FBXO15: variants seen among roughly 807,000 people sequenced by gnomAD.
The protein encoded by FBXO15 is F-box protein 15, also known as F-box only protein 15.
A neutral mutation model predicts 49.5 loss-of-function variants in FBXO15; 30 were observed. The ratio of observed to expected loss-of-function variants is 0.61; its 90% CI spans 0.45 to 0.82. The LOEUF (loss-of-function observed/expected upper bound fraction) is 0.82, where lower values mean the gene tolerates loss of function less well. Among genes scored for constraint, FBXO15 ranks in the 40% least tolerant of loss-of-function variants. The pLI is 0.00. For synonymous variants in FBXO15, 250 were observed against 232.7 expected, an observed-to-expected ratio of 1.07 and a Z score of -0.68; for missense variants, 591 against 631.5, an observed-to-expected ratio of 0.94 and a Z score of 0.69.
chr18:74,131,867 G>T (rs969698247), intron 3 of FBXO15, among the ~76,000 whole-genome samples: 134 of 152,326 alleles, frequency 8.8e-4, no homozygotes, highest in African/African-American at 3.2e-3. Flanking sequence ...ACTGCAGCAG[G>T]ACCCCTGGGG....
intron 8 of FBXO15, among the ~76,000 whole-genome samples, chr18:74,109,511 T>C (rs182538252): frequency 4.5e-4 from 69 of 152,268 alleles, no homozygotes; most frequent in African/African-American, 1.5e-3. Flanking sequence ...ATCATGCTAC[T>C]ATAAAGACAC....
intron 8 of FBXO15, among the ~76,000 whole-genome samples, chr18:74,119,625 T>G (rs1222409871): frequency 2.0e-5 from 3 of 151,994 alleles, no homozygotes; most frequent in Non-Finnish European, 4.4e-5. Context: ...GGACCCACGC[T>G]AAGATCTGGG....
chr18:74,134,111 T>G (rs1978564996), intron 3 of FBXO15, among the ~76,000 whole-genome samples: 2 of 152,254 alleles, frequency 1.3e-5, no homozygotes, highest in African/African-American at 4.8e-5. Flanking sequence ...TGTTTGTGTG[T>G]GTGTGCATGT....
intron 8 of FBXO15, among the ~76,000 whole-genome samples, chr18:74,120,214 T>C (rs1047728191): frequency 6.6e-6 from 1 of 152,060 alleles, no homozygotes; most frequent in Admixed American, 6.6e-5. Flanking sequence ...CAAAAACTGA[T>C]AAAACAGCAA....
Position 74,123,483 on chromosome 18 carries a change from G to A in FBXO15, c.1023C>T (p.Pro341=). 6.2e-7 allele frequency: 1 copy of A among 1,612,944 alleles called. No homozygotes were observed. The highest frequency in any genetic ancestry group is 8.5e-7 in the Non-Finnish European group (1 of 1,179,630). ...CATACTCGGGGCTATCATCCAAAAA[G>A]GGGCTATGTGGAGGCAGTTCATAGG... ...TIPYELPPHS[P]FLDDSPEYGL... is the part of the protein sequence containing the mutation. The change falls in exon 8 of 10, where the codon CCC becomes CCT. Residue 341 remains proline, a synonymous_variant. Coordinates refer to ENST00000419743, the MANE Select transcript of FBXO15 (RefSeq NM_001142958.2).
intron 6 of FBXO15, among the ~76,000 whole-genome samples, chr18:74,125,108 A>T (rs1378532912): frequency 6.6e-6 from 1 of 152,168 alleles, no homozygotes; most frequent in Non-Finnish European, 1.5e-5. Flanking sequence ...CACAGCTGAC[A>T]CTGATGGGCA....
At chr18:74,118,705 TC>T (rs1422463925) in intron 8 of FBXO15, among the ~76,000 whole-genome samples, 4 of 152,156 alleles carry the variant, frequency 2.6e-5, no homozygotes, top group Admixed American at 1.3e-4. Context: ...TTATAAGCCA[TC>T]TCAGATGAGA....
At chr18:74,147,612 G>A in intron 1 of FBXO15, 58 bp downstream of exon 1, 3 of 1,369,548 alleles carry the variant, frequency 2.2e-6, no homozygotes, top group South Asian at 1.7e-5. Flanking sequence ...GAAGAGAGCG[G>A]GGCCGCGCAG....
At chr18:74,130,267 C>G in intron 4 of FBXO15, 149 bp downstream of exon 4, 2 of 1,103,694 alleles carry the variant, frequency 1.8e-6, no homozygotes, top group Non-Finnish European at 2.5e-6. Flanking sequence ...GAAGGCTATG[C>G]GGAATAGGAA....
chr18:74,119,419 G>T (rs566221644), intron 8 of FBXO15, among the ~76,000 whole-genome samples: 48 of 152,228 alleles, frequency 3.2e-4, no homozygotes, highest in African/African-American at 1.1e-3. Context: ...CCAAAATACT[G>T]CCCCATGGAA....
intron 8 of FBXO15, among the ~76,000 whole-genome samples, chr18:74,095,984 G>A (rs1306748980): frequency 6.6e-6 from 1 of 152,072 alleles, no homozygotes; most frequent in Non-Finnish European, 1.5e-5. Context: ...TGATAGAATT[G>A]GATTTCACAT....
intron 7 of FBXO15, among the ~76,000 whole-genome samples, chr18:74,123,876 T>C (rs1161017092): frequency 2.0e-5 from 3 of 151,908 alleles, no homozygotes; most frequent in Non-Finnish European, 4.4e-5. Flanking sequence ...TGAATACCGA[T>C]CTGCAGGACA....
chr18:74,127,468 A>C (rs1275981271), intron 5 of FBXO15, among the ~76,000 whole-genome samples: 1 of 152,266 alleles, frequency 6.6e-6, no homozygotes, highest in Admixed American at 6.5e-5. Context: ...TCCAGATTAC[A>C]TCAATGAGGC....
chr18:74,112,882 TGGAAGA>T (rs1160185301), intron 8 of FBXO15, among the ~76,000 whole-genome samples: 1 of 152,240 alleles, frequency 6.6e-6, no homozygotes. Context: ...ACAGTCACTT[TGGAAGA>T]CAGTTTGGCC....
intron 9 of FBXO15, chr18:74,076,256 T>G (rs1287031119): frequency 6.6e-6 from 1 of 152,328 alleles, no homozygotes; most frequent in Non-Finnish European, 1.5e-5. Flanking sequence ...CCAAGTGCTA[T>G]GGTCTGAATG....
At chr18:74,142,786 G>T (rs1979166546) in intron 1 of FBXO15, among the ~76,000 whole-genome samples, 1 of 151,998 alleles carries the variant, frequency 6.6e-6, no homozygotes, top group Admixed American at 6.6e-5. Context: ...GTTCCAGAAG[G>T]ACATAAATAA....
chr18:74,109,923 A>C (rs1048935991), intron 8 of FBXO15, among the ~76,000 whole-genome samples: 1 of 152,106 alleles, frequency 6.6e-6, no homozygotes, highest in Non-Finnish European at 1.5e-5. Context: ...GCACATGTAT[A>C]CCTATGTAAC....
rs774081025 is a variant in FBXO15 at position 74,130,378 on chromosome 18, G to C, written c.575+38C>G. The C allele has an allele frequency of 3.1e-6, 5 of 1,610,998 alleles. No homozygotes were observed. In the Admixed American group the frequency reaches 8.4e-5, roughly 27 times the overall value. On this transcript the variant is annotated intron_variant, in intron 4 of 9. Coordinates refer to ENST00000419743, the MANE Select transcript of FBXO15 (RefSeq NM_001142958.2). ...ACGTCCTACGTACACGATACTTTGA[G>C]CTGATGCCATCATTCTCTTTTGGAA...
chr18:74,090,802 C>T (rs910082394), intron 8 of FBXO15, among the ~76,000 whole-genome samples: 11 of 152,004 alleles, frequency 7.2e-5, no homozygotes, highest in African/African-American at 2.4e-4. Flanking sequence ...TTTTCATTTG[C>T]TGATGATTGT....
Sources: gnomAD v4.1 joint callset for allele counts (sites outside exome capture counted in the v4.1 genomes callset) on GRCh38, gnomAD v4.1.1 for gene constraint, MANE v1.5 for transcripts, NCBI Gene and HGNC (gene_info 2026-07-23, HGNC 2026-07-21) for gene names.